DCAF17: variants seen among roughly 807,000 people sequenced by gnomAD.
The protein encoded by DCAF17 is DDB1- and CUL4-associated factor 17.
A neutral mutation model predicts 66.0 loss-of-function variants in DCAF17; 48 were observed. That is an observed-to-expected ratio of 0.73 (90% confidence interval 0.58 to 0.92). DCAF17 has a LOEUF of 0.92. Ranked by LOEUF, DCAF17 falls within the 40% of genes least tolerant of loss-of-function variation. The pLI is 0.00. For synonymous variants in DCAF17, 206 were observed against 214.6 expected, an observed-to-expected ratio of 0.96 and a Z score of 0.35; for missense variants, 562 against 622.8, an observed-to-expected ratio of 0.90 and a Z score of 1.04.
chr2:171,444,632 T>C (rs779792580), intron 3 of DCAF17, among the ~76,000 whole-genome samples: 7 of 152,232 alleles, frequency 4.6e-5, no homozygotes, highest in Non-Finnish European at 8.8e-5. Context: ...GGAGAAGGGA[T>C]AATCGACCTG....
intron 2 of DCAF17, among the ~76,000 whole-genome samples, chr2:171,438,502 G>A (rs1694095925): frequency 6.6e-6 from 1 of 152,128 alleles, no homozygotes; most frequent in African/African-American, 2.4e-5. Flanking sequence ...ATTTCTATCC[G>A]TGTTTGCCAC....
chr2:171,449,928 C>G lies in DCAF17; in HGVS notation c.508C>G (p.Gln170Glu), dbSNP rs1694851443. The change falls in exon 5 of 14, where the codon CAG (glutamine) becomes GAG (glutamate). Residue 170 changes from glutamine (Q) to glutamate (E), a missense_variant. Gln to Glu is a conservative substitution (Grantham distance 29). Transcript: ENST00000375255. ...AGAAGTCATTGCAGTTAAGTCAGCT[C>G]AGAACAGAGGCTCAGCAGTGGCCCG... ...PQEVIAVKSAQNRGSAVARQA... is the reference protein window; with the variant it reads ...PQEVIAVKSAENRGSAVARQA... 6.2e-7 allele frequency: 1 copy of G among 1,613,816 alleles called. No individual in the cohort carries two copies. The highest frequency in any genetic ancestry group is 1.3e-5 in the African/African-American group (1 of 75,024).
chr2:171,452,986 A>G, intron 5 of DCAF17, 138 bp from the exon 6 acceptor site: 1 of 543,866 alleles, frequency 1.8e-6, no homozygotes, highest in Non-Finnish European at 3.2e-6. Context: ...TTTGCAATCT[A>G]GATAGATGGT....
intron 13 of DCAF17, 80 bp from the exon 14 acceptor site, chr2:171,480,894 T>G: frequency 1.3e-6 from 2 of 1,550,952 alleles, no homozygotes; most frequent in Non-Finnish European, 1.8e-6. Flanking sequence ...ATCCCTAGCA[T>G]AGGTACTGTG....
intron 6 of DCAF17, 114 bp downstream of exon 6, chr2:171,453,327 T>C: frequency 1.3e-6 from 1 of 763,088 alleles, no homozygotes. Flanking sequence ...CTATAAAAAG[T>C]TCACTAACTT....
rs999506030 is a variant in DCAF17, at chr2:171,435,031, AACTT to A, written c.127-50_127-47del. ...ATGTTGCTTTGAAAATTTAAAATCTAACTTAAAGCCTAAGAGTTCTTTCCTGAAC... is the reference window on the plus strand; with the variant it reads ...ATGTTGCTTTGAAAATTTAAAATCTAAAAGCCTAAGAGTTCTTTCCTGAAC... On this transcript the variant is annotated intron_variant, in intron 1 of 13. Transcript: ENST00000375255. The A allele has an allele frequency of 1.4e-5, 19 of 1,389,770 alleles. No homozygotes were observed. In the African/African-American group the frequency reaches 2.7e-4, roughly 20 times the overall value. The allele number at this position is 1,389,770 out of a possible 1,614,324, so 86.1% of individuals were successfully genotyped here.
chr2:171,474,631 GTA>G (rs1559290159), intron 10 of DCAF17, among the ~76,000 whole-genome samples: 1 of 152,080 alleles, frequency 6.6e-6, no homozygotes, highest in African/African-American at 2.4e-5. Context: ...ACTCCAAAAT[GTA>G]TATACCAGCC....
At chr2:171,439,405 A>T (rs1343582154) in intron 2 of DCAF17, among the ~76,000 whole-genome samples, 1 of 151,960 alleles carries the variant, frequency 6.6e-6, no homozygotes, top group Non-Finnish European at 1.5e-5. Context: ...CCTATCTTCA[A>T]ACTCACTGAT....
At chr2:171,445,206 C>T (rs549018643) in intron 3 of DCAF17, among the ~76,000 whole-genome samples, 1 of 151,966 alleles carries the variant, frequency 6.6e-6, no homozygotes, top group Non-Finnish European at 1.5e-5. Flanking sequence ...CTCACTGCAA[C>T]CTCTGCCTCC....
intron 10 of DCAF17, among the ~76,000 whole-genome samples, chr2:171,476,149 CTT>C (rs112721895): frequency 2.7e-5 from 4 of 146,694 alleles, no homozygotes; most frequent in Non-Finnish European, 1.5e-5. Flanking sequence ...CTCTGCTGTT[CTT>C]TTTTTTTTTG....
chr2:171,484,493 T>C lies in DCAF17; in HGVS notation c.*3379T>C, dbSNP rs1222106309. On this transcript the variant is annotated 3_prime_UTR_variant, in exon 14 of 14. Coordinates refer to ENST00000375255, the MANE Select transcript of DCAF17 (RefSeq NM_025000.4). ...CCTATCCAGCGTACTTTTTGATGGA[T>C]TTCAAAATAAATTGCAGTTGCTGAT... The C allele has an allele frequency of 4.5e-6, 2 of 446,404 alleles. No individual in the cohort carries two copies. Among genetic ancestry groups the C allele is most frequent in the African/African-American group, 2.0e-5 (1 of 49,592 alleles). The allele number at this position is 446,404 out of a possible 1,614,324, so 27.7% of individuals were successfully genotyped here.
chr2:171,440,758 G>A (rs1257594355), intron 2 of DCAF17, among the ~76,000 whole-genome samples: 4 of 152,112 alleles, frequency 2.6e-5, no homozygotes, highest in African/African-American at 7.2e-5. Context: ...GGCTCCAGTG[G>A]CTTGTTCCTG....
At chr2:171,479,959 A>G in intron 12 of DCAF17, 79 bp from the exon 13 acceptor site, 1 of 1,503,414 alleles carries the variant, frequency 6.7e-7, no homozygotes, top group Non-Finnish European at 9.2e-7. Context: ...AGAATACTTA[A>G]ACTATAAATA....
chr2:171,458,563 T>A, intron 8 of DCAF17, 86 bp downstream of exon 8: 1 of 1,061,680 alleles, frequency 9.4e-7, no homozygotes, highest in Non-Finnish European at 1.4e-6. Flanking sequence ...CCAAATGTTT[T>A]TCTCATTTAT....
Position 171,480,291 on chromosome 2 carries a change from C to T in DCAF17, c.1422+98C>T, listed in dbSNP as rs77479345. On this transcript the variant is annotated intron_variant, in intron 13 of 13. Transcript: ENST00000375255. ...TTGTGTTCATGTCAGTCCAGACTCA[C>T]CTATGCCAATGACCATGTGAAAGAG... The T allele has an allele frequency of 1.2e-3, 1,771 of 1,445,484 alleles. 16 individuals are homozygous for T. The East Asian group carries it at 0.017, about 14-fold the overall frequency. 89.5% of individuals were successfully genotyped at this position (1,445,484 alleles called of 1,614,324 possible). A position where few individuals can be genotyped will look rare whatever the true frequency, so the allele number is the denominator to read the frequency against.
intron 10 of DCAF17, chr2:171,474,414 TCTC>T (rs1696400719): frequency 5.7e-6 from 1 of 175,558 alleles, no homozygotes; most frequent in South Asian, 1.3e-4. Flanking sequence ...CTTAAACACT[TCTC>T]ATTTGTCATC....
chr2:171,437,045 A>T (rs1694015547), intron 2 of DCAF17, among the ~76,000 whole-genome samples: 1 of 152,072 alleles, frequency 6.6e-6, no homozygotes, highest in African/African-American at 2.4e-5. Flanking sequence ...AAGTGCTGGG[A>T]TTACAGGCAT....
Position 171,482,520 on chromosome 2 carries a change from G to GT in DCAF17, c.*1407dup, listed in dbSNP as rs1418063721. The GT allele has an allele frequency of 2.2e-5, 10 of 453,934 alleles. No individual in the cohort carries two copies. The highest frequency in any genetic ancestry group is 2.0e-4 in the African/African-American group (10 of 50,000). The allele number at this position is 453,934 out of a possible 1,614,324, so 28.1% of individuals were successfully genotyped here. ...ACTTACATCTTGAAAAACAAGACCA[G>GT]TAAGAGGCCAGTGAAAGTACTAAAG... On this transcript the variant is annotated 3_prime_UTR_variant, in exon 14 of 14. Transcript: ENST00000375255.
chr2:171,438,638 C>T (rs940387091), intron 2 of DCAF17, among the ~76,000 whole-genome samples: 1 of 152,114 alleles, frequency 6.6e-6, no homozygotes, highest in Non-Finnish European at 1.5e-5. Context: ...TTGCCAAATT[C>T]GACTTTGTCT....
Sources: gnomAD v4.1 joint callset for allele counts (sites outside exome capture counted in the v4.1 genomes callset) on GRCh38, gnomAD v4.1.1 for gene constraint, MANE v1.5 for transcripts, NCBI Gene and HGNC (gene_info 2026-07-23, HGNC 2026-07-21) for gene names.